F13A1: variants seen among roughly 807,000 people sequenced by gnomAD.
F13A1 encodes the protein coagulation factor XIII A chain, also known as FSF, A subunit.
A neutral mutation model predicts 80.1 loss-of-function variants in F13A1; 47 were observed. That is an observed-to-expected ratio of 0.59 (90% CI 0.46 to 0.75). The LOEUF (loss-of-function observed/expected upper bound fraction) is 0.75. F13A1 is among the 30% of genes least tolerant of loss of function. The pLI is 0.00. For synonymous variants in F13A1, 349 were observed against 344.9 expected (o/e 1.01, Z -0.13); for missense variants, 817 against 930.4 (o/e 0.88, Z 1.59).
intron 6 of F13A1, among the ~76,000 whole-genome samples, chr6:6,236,017 T>C (rs553574155): frequency 1.3e-5 from 2 of 152,202 alleles, no homozygotes; most frequent in South Asian, 4.1e-4. Context: ...AAGCTCAGAA[T>C]ACAGTAAGGA....
chr6:6,159,801 T>C (rs1431177528), intron 13 of F13A1, among the ~76,000 whole-genome samples: 1 of 152,070 alleles, frequency 6.6e-6, no homozygotes, highest in Non-Finnish European at 1.5e-5. Flanking sequence ...TTCTGTGGGT[T>C]AAGCATCTTT....
chr6:6,189,772 C>A (rs374551484), intron 10 of F13A1, among the ~76,000 whole-genome samples: 1 of 150,542 alleles, frequency 6.6e-6, no homozygotes, highest in African/African-American at 2.4e-5. Context: ...TGTTGGCCTG[C>A]CTTGCTAGAT....
chr6:6,238,824 T>C (rs557720708), intron 6 of F13A1, among the ~76,000 whole-genome samples: 1 of 151,902 alleles, frequency 6.6e-6, no homozygotes, highest in East Asian at 1.9e-4. Flanking sequence ...ATATACCCAT[T>C]TGATTGGTTA....
chr6:6,154,821 T>C (rs1475794565), intron 13 of F13A1, among the ~76,000 whole-genome samples: 2 of 152,222 alleles, frequency 1.3e-5, no homozygotes, highest in African/African-American at 4.8e-5. Flanking sequence ...AAAATAAAGA[T>C]AGCATTTACA....
chr6:6,293,410 C>T (rs1758252055), intron 3 of F13A1, among the ~76,000 whole-genome samples: 1 of 152,032 alleles, frequency 6.6e-6, no homozygotes, highest in Non-Finnish European at 1.5e-5. Context: ...CCCCTCCTTG[C>T]CTTTCATGAT....
intron 6 of F13A1, among the ~76,000 whole-genome samples, chr6:6,229,624 A>G (rs1216238565): frequency 4.6e-5 from 7 of 152,188 alleles, no homozygotes; most frequent in Non-Finnish European, 8.8e-5. Flanking sequence ...GCAGCTCTGG[A>G]CAGAGCAGCA....
chr6:6,190,641 G>T (rs1194419551), intron 10 of F13A1, among the ~76,000 whole-genome samples: 1 of 151,464 alleles, frequency 6.6e-6, no homozygotes, highest in African/African-American at 2.4e-5. Flanking sequence ...GTCAGACAGG[G>T]ACATTTAAGT....
Position 6,160,868 on chromosome 6 carries a change from G to A in F13A1, c.1908+6590C>T, listed in dbSNP as rs1171698545. ...CATTTTAAAAGCTTTTTTTTTTTTTGAAAAATTTGGAGACATCTGTTTGCT... is the reference window on the plus strand; with the variant it reads ...CATTTTAAAAGCTTTTTTTTTTTTTAAAAAATTTGGAGACATCTGTTTGCT... On this transcript the variant is annotated intron_variant, in intron 13 of 14. Transcript: ENST00000264870. 4.6e-5 allele frequency among the ~76,000 whole-genome samples: 6 copies of A among 129,176 alleles called. No homozygotes were observed. The South Asian group carries it at 1.4e-3, about 31-fold the overall frequency. The allele number at this position is 129,176 out of a possible 152,430, so 84.7% of individuals were successfully genotyped here. A position where few individuals can be genotyped will look rare whatever the true frequency, so the allele number is the denominator to read the frequency against.
intron 3 of F13A1, among the ~76,000 whole-genome samples, chr6:6,278,925 A>C (rs1189344774): frequency 6.6e-6 from 1 of 152,194 alleles, no homozygotes. Flanking sequence ...GCAGGAGAGC[A>C]ATCAGGATTG....
intron 3 of F13A1, among the ~76,000 whole-genome samples, chr6:6,273,625 A>G (rs1210010505): frequency 6.6e-6 from 1 of 152,190 alleles, no homozygotes; most frequent in Non-Finnish European, 1.5e-5. Flanking sequence ...CATGATGTTA[A>G]TTCATTTTTC....
intron 3 of F13A1, among the ~76,000 whole-genome samples, chr6:6,275,321 T>C (rs946992090): frequency 1.3e-5 from 2 of 151,432 alleles, no homozygotes; most frequent in Non-Finnish European, 1.5e-5. Context: ...CTTGAAAGAG[T>C]TTTTCAGTGC....
At chr6:6,161,626 A>G (rs1328752107) in intron 13 of F13A1, among the ~76,000 whole-genome samples, 2 of 151,738 alleles carry the variant, frequency 1.3e-5, no homozygotes, top group Non-Finnish European at 2.9e-5. Flanking sequence ...GTCTGATTGT[A>G]ATGAAATTTT....
At chr6:6,241,422 T>C (rs1023550828) in intron 6 of F13A1, among the ~76,000 whole-genome samples, 1 of 152,202 alleles carries the variant, frequency 6.6e-6, no homozygotes, top group African/African-American at 2.4e-5. Flanking sequence ...CCACCATCAT[T>C]AGAAGTTCCC....
chr6:6,217,811 A>G (rs1291471494), intron 8 of F13A1, among the ~76,000 whole-genome samples: 4 of 152,254 alleles, frequency 2.6e-5, no homozygotes, highest in African/African-American at 9.6e-5. Flanking sequence ...TACACTGATT[A>G]GGGCAGTGTC....
At chr6:6,317,909 C>T (rs1379337541) in intron 2 of F13A1, among the ~76,000 whole-genome samples, 2 of 152,220 alleles carry the variant, frequency 1.3e-5, no homozygotes, top group Admixed American at 1.3e-4. Flanking sequence ...TCACCACTGA[C>T]AGGGCTGAGA....
At chr6:6,221,955 G>T in intron 8 of F13A1, 78 bp downstream of exon 8, 1 of 1,517,586 alleles carries the variant, frequency 6.6e-7, no homozygotes, top group Non-Finnish European at 9.1e-7. Flanking sequence ...AGAAACATCA[G>T]ATTGAGTCTA....
intron 3 of F13A1, among the ~76,000 whole-genome samples, chr6:6,276,075 G>A (rs1757984501): frequency 6.6e-6 from 1 of 152,162 alleles, no homozygotes; most frequent in Admixed American, 6.5e-5. Flanking sequence ...GTCCATTCGG[G>A]AATAACAACC....
chr6:6,201,609 G>C (rs571005296), intron 8 of F13A1, among the ~76,000 whole-genome samples: 293 of 152,316 alleles, frequency 1.9e-3, no homozygotes, highest in Non-Finnish European at 3.6e-3. Context: ...CCATTTGGCT[G>C]ACATTACACA....
chr6:6,303,246 C>T (rs984140720), intron 3 of F13A1, among the ~76,000 whole-genome samples: 9 of 152,104 alleles, frequency 5.9e-5, no homozygotes, highest in African/African-American at 2.2e-4. Flanking sequence ...CCTTGGTTAT[C>T]ACCAGGTAAT....
Sources: allele counts gnomAD v4.1 joint callset (sites outside exome capture counted in the v4.1 genomes callset), GRCh38; gene constraint gnomAD v4.1.1; transcripts MANE v1.5; gene names NCBI Gene and HGNC (gene_info 2026-07-23, HGNC 2026-07-21).